BRSK1: variants seen among roughly 807,000 people sequenced by gnomAD.
The protein encoded by BRSK1 is serine/threonine-protein kinase BRSK1.
In BRSK1, 17 loss-of-function variants were observed where a neutral mutation model predicts 86.2. That is an observed-to-expected ratio of 0.20 (90% CI 0.14 to 0.30). The LOEUF (loss-of-function observed/expected upper bound fraction) is 0.30, where lower values mean the gene tolerates loss of function less well. Among genes scored for constraint, BRSK1 ranks in the 10% least tolerant of loss-of-function variants. The pLI is 1.00. For synonymous variants in BRSK1, 464 were observed against 440.1 expected, an observed-to-expected ratio of 1.05 and a Z score of -0.68; for missense variants, 719 against 1,071.9, an observed-to-expected ratio of 0.67 and a Z score of 4.60.
At position 55,284,392 on chromosome 19, in the gene BRSK1, G is replaced by A. The variant is rs1430105414; in HGVS notation, c.-51G>A. ...GCCCCCACCGGAGAGACGGGGCGAC[G>A]GCCGCAGGGGGGGCGGCCGGGGGAC... On this transcript the variant is annotated 5_prime_UTR_variant, in exon 1 of 19. Transcript: ENST00000309383. 5.4e-6 allele frequency: 4 copies of A among 739,628 alleles called. No homozygotes were observed. Among genetic ancestry groups the A allele is most frequent in the East Asian group, 4.2e-5 (1 of 24,036 alleles). 45.8% of individuals were successfully genotyped at this position (739,628 alleles called of 1,614,324 possible). A position where few individuals can be genotyped will look rare whatever the true frequency, so the allele number is the denominator to read the frequency against.
At chr19:55,297,813 C>T (rs2088510580) in intron 7 of BRSK1, among the ~76,000 whole-genome samples, 1 of 152,078 alleles carries the variant, frequency 6.6e-6, no homozygotes, top group African/African-American at 2.4e-5. Flanking sequence ...TTTATTTTAT[C>T]TATTTATTTT....
At position 55,312,255 on chromosome 19, in the gene BRSK1, C is replaced by T. The variant is rs2088818724; in HGVS notation, c.*187C>T. On this transcript the variant is annotated 3_prime_UTR_variant, in exon 19 of 19. Coordinates refer to ENST00000309383, the MANE Select transcript of BRSK1 (RefSeq NM_032430.2). Reference sequence around the variant, plus strand: ...GGGGTGGTTCTAGGGGAACAGGGGGCGGGGGAGCTGTTTCTATTTTATTTA... The same window carrying T: ...GGGGTGGTTCTAGGGGAACAGGGGGTGGGGGAGCTGTTTCTATTTTATTTA... 3 of 218,710 alleles carry T rather than the reference C, an allele frequency of 1.4e-5. No individual in the cohort carries two copies. The highest frequency in any genetic ancestry group is 2.8e-5 in the African/African-American group (1 of 35,794). 13.5% of individuals were successfully genotyped at this position (218,710 alleles called of 1,614,324 possible).
In BRSK1 at chr19:55,302,435, G is replaced by A. The variant is rs2088585378; in HGVS notation, c.858-262G>A. ...CTGGACTCCTGGATCCGAGGGAGGA[G>A]GGGCTGGGGGCCTGGACTTCTGGGT... On this transcript the variant is annotated intron_variant, in intron 9 of 18. Transcript: ENST00000309383. The surrounding 1 kb of genome is among the most constrained non-coding windows in gnomAD (Gnocchi z 6.3). The A allele has an allele frequency of 1.6e-6, 1 of 614,404 alleles. No homozygotes were observed. The highest frequency in any genetic ancestry group is 1.9e-5 in the African/African-American group (1 of 53,960). The allele number at this position is 614,404 out of a possible 1,614,324, so 38.1% of individuals were successfully genotyped here. A position where few individuals can be genotyped will look rare whatever the true frequency, so the allele number is the denominator to read the frequency against.
Position 55,289,334 on chromosome 19 carries a change from G to C in BRSK1, c.318-146G>C, listed in dbSNP as rs1371716936. ...TGGAAACTGGAGTCTCTTCCTCCCAGGGACCCATGGGAATTGGAGTCTCTT... is the reference window on the plus strand; with the variant it reads ...TGGAAACTGGAGTCTCTTCCTCCCACGGACCCATGGGAATTGGAGTCTCTT... On this transcript the variant is annotated intron_variant, in intron 3 of 18. Coordinates refer to ENST00000309383, the MANE Select transcript of BRSK1 (RefSeq NM_032430.2). 4.4e-6 allele frequency: 4 copies of C among 910,374 alleles called. No homozygotes were observed. In the South Asian group the frequency reaches 5.5e-5, roughly 13 times the overall value. The allele number at this position is 910,374 out of a possible 1,614,324, so 56.4% of individuals were successfully genotyped here.
chr19:55,303,586 C>A lies in BRSK1; in HGVS notation c.1127-81C>A. The A allele has an allele frequency of 6.5e-7, 1 of 1,535,822 alleles. No homozygotes were observed. Among genetic ancestry groups the A allele is most frequent in the Non-Finnish European group, 8.8e-7 (1 of 1,132,996 alleles). On this transcript the variant is annotated intron_variant, in intron 11 of 18. Coordinates refer to ENST00000309383, the MANE Select transcript of BRSK1 (RefSeq NM_032430.2). The surrounding 1 kb of genome is among the most constrained non-coding windows in gnomAD (Gnocchi z 5.1). ...CCCCTCTCCACTCTAGGCCTGTTTC[C>A]CCATGTGTGCAGTTTCTGAGGCAGT...
chr19:55,311,789 TG>T (rs1730297151), intron 18 of BRSK1, 121 bp from the exon 19 acceptor site: 2 of 1,015,724 alleles, frequency 2.0e-6, no homozygotes, highest in Non-Finnish European at 2.9e-6. Flanking sequence ...TATCAGGGAT[TG>T]GAGCTAGAGC....
Position 55,310,039 on chromosome 19 carries a change from A to G in BRSK1, c.2179+1311A>G, listed in dbSNP as rs2088748471. On this transcript the variant is annotated intron_variant, in intron 18 of 18. Coordinates refer to ENST00000309383, the MANE Select transcript of BRSK1 (RefSeq NM_032430.2). The surrounding 1 kb of genome is among the most constrained non-coding windows in gnomAD (Gnocchi z 5.0). The stretch of plus-strand genomic sequence containing the variant: ...AGGGCAGCTTTGGCCTTGTCACCAG[A>G]AACTCTGAGTCCCAGGGTCAGGTCT... Among the ~76,000 whole-genome samples, 1 of 152,184 alleles carries G rather than the reference A, an allele frequency of 6.6e-6. No homozygotes were observed. The highest frequency in any genetic ancestry group is 1.5e-5 in the Non-Finnish European group (1 of 68,028).
chr19:55,297,459 C>T (rs145681889), intron 7 of BRSK1, among the ~76,000 whole-genome samples: 3 of 152,264 alleles, frequency 2.0e-5, no homozygotes, highest in East Asian at 3.9e-4. Flanking sequence ...GACTGGCCCA[C>T]GGGCACGCAG....
At position 55,289,650 on chromosome 19, in the gene BRSK1, G is replaced by T. The variant is rs1472519308; in HGVS notation, c.458+30G>T. The T allele has an allele frequency of 4.3e-6, 7 of 1,609,442 alleles. 1 individual carries two copies. In the East Asian group the frequency reaches 1.3e-4, roughly 31 times the overall value. On this transcript the variant is annotated intron_variant, in intron 4 of 18. Transcript: ENST00000309383. The stretch of plus-strand genomic sequence containing the variant: ...GTGGGCAGCTTGAGGGGGAGGAGGG[G>T]CTGAGGGCTGCCCAGCAGACAGGCC...
chr19:55,295,610 C>A (rs754002106), intron 7 of BRSK1, among the ~76,000 whole-genome samples: 11 of 152,166 alleles, frequency 7.2e-5, no homozygotes, highest in Non-Finnish European at 7.3e-5. Flanking sequence ...TCCAGGAGCA[C>A]CTGGAGGGCT....
At chr19:55,301,440 A>T in intron 7 of BRSK1, 72 bp from the exon 8 acceptor site, 1 of 1,536,404 alleles carries the variant, frequency 6.5e-7, no homozygotes, top group South Asian at 1.2e-5. Flanking sequence ...AGATCACCGT[A>T]GTTCCCCACC....
intron 8 of BRSK1, 151 bp downstream of exon 8, chr19:55,301,809 A>G (rs945773218): frequency 2.7e-5 from 28 of 1,043,816 alleles, no homozygotes; most frequent in Non-Finnish European, 2.7e-6. Context: ...AAGGTCCAGC[A>G]CAGCTGCCGC....
chr19:55,303,926 C>A lies in BRSK1; in HGVS notation c.1286+100C>A. The A allele has an allele frequency of 6.6e-7, 1 of 1,511,016 alleles. No homozygotes were observed. Among genetic ancestry groups the A allele is most frequent in the South Asian group, 1.3e-5 (1 of 76,218 alleles). The allele number at this position is 1,511,016 out of a possible 1,614,324, so 93.6% of individuals were successfully genotyped here. ...CCTCAAATGTGCTGTGTCCTTGGGACAATTCACCTCCCCTCTCTGGGCCTC... is the reference window on the plus strand; with the variant it reads ...CCTCAAATGTGCTGTGTCCTTGGGAAAATTCACCTCCCCTCTCTGGGCCTC... On this transcript the variant is annotated intron_variant, in intron 12 of 18. Transcript: ENST00000309383. This position sits in a 1 kb window ranked among gnomAD's most constrained non-coding sequence, Gnocchi z 5.1.
rs987508360 is a variant in BRSK1 at position 55,312,062 on chromosome 19, G to T, written c.2331G>T (p.Leu777=). 2.1e-6 allele frequency: 3 copies of T among 1,433,556 alleles called. No homozygotes were observed. Among genetic ancestry groups the T allele is most frequent in the East Asian group, 2.8e-5 (1 of 36,040 alleles). The allele number at this position is 1,433,556 out of a possible 1,614,324, so 88.8% of individuals were successfully genotyped here. ...TCCTGGCCACCAACGGGACCCCTCT[G>T]CCCTGACCCCACGGGGCCGGGGAGG... ...KKLLATNGTP[L]P The change falls in exon 19 of 19, where the codon CTG becomes CTT. Residue 777 remains leucine, a synonymous_variant. Coordinates refer to ENST00000309383, the MANE Select transcript of BRSK1 (RefSeq NM_032430.2).
intron 7 of BRSK1, among the ~76,000 whole-genome samples, chr19:55,296,263 C>T (rs1172818): frequency 0.52 from 79,067 of 151,932 alleles, 21,007 homozygotes; most frequent in Middle Eastern, 0.66. Context: ...TCTCCCTTCC[C>T]TTCTGTATCA....
At position 55,303,000 on chromosome 19, in the gene BRSK1, T is replaced by C. The variant is rs969440173; in HGVS notation, c.1028+133T>C. On this transcript the variant is annotated intron_variant, in intron 10 of 18. Transcript: ENST00000309383. The surrounding 1 kb of genome is among the most constrained non-coding windows in gnomAD (Gnocchi z 6.3). The stretch of plus-strand genomic sequence containing the variant: ...ATGGTTTGAAGCTCCCGCCTGGGAG[T>C]GATGGAACCAGCGGAGAAAACGGCC... The C allele has an allele frequency of 8.1e-7, 1 of 1,239,068 alleles. No individual in the cohort carries two copies. The highest frequency in any genetic ancestry group is 1.5e-5 in the African/African-American group (1 of 65,366). The allele number at this position is 1,239,068 out of a possible 1,614,324, so 76.8% of individuals were successfully genotyped here. A position where few individuals can be genotyped will look rare whatever the true frequency, so the allele number is the denominator to read the frequency against.
intron 7 of BRSK1, among the ~76,000 whole-genome samples, chr19:55,295,993 G>A (rs35927890): frequency 0.12 from 18,092 of 152,024 alleles, 1,222 homozygotes; most frequent in Middle Eastern, 0.2. Context: ...TAGCCAGATC[G>A]TAGGCTATCA....
rs558221749 is a variant in BRSK1 at position 55,312,226 on chromosome 19, A to T, written c.*158A>T. On this transcript the variant is annotated 3_prime_UTR_variant, in exon 19 of 19. Transcript: ENST00000309383. Reference sequence around the variant, plus strand: ...GATGGGGCTCCACAGGCCGTGCCCAACTGGGGGTGGTTCTAGGGGAACAGG... The same window carrying T: ...GATGGGGCTCCACAGGCCGTGCCCATCTGGGGGTGGTTCTAGGGGAACAGG... 1 of 386,690 alleles carries T rather than the reference A, an allele frequency of 2.6e-6. No homozygotes were observed. Among genetic ancestry groups the T allele is most frequent in the East Asian group, 4.2e-5 (1 of 23,886 alleles). The allele number at this position is 386,690 out of a possible 1,614,324, so 24.0% of individuals were successfully genotyped here.
chr19:55,293,081 C>T (rs758176235), intron 4 of BRSK1, among the ~76,000 whole-genome samples: 4 of 152,034 alleles, frequency 2.6e-5, no homozygotes, highest in Non-Finnish European at 4.4e-5. Flanking sequence ...CAAAATAGGC[C>T]GGGCGCGGTG....
Sources: gnomAD v4.1 joint callset for allele counts (sites outside exome capture counted in the v4.1 genomes callset) on GRCh38, gnomAD v4.1.1 for gene constraint, Gnocchi (gnomAD v3.1) non-coding constraint, MANE v1.5 for transcripts, NCBI Gene and HGNC (gene_info 2026-07-23, HGNC 2026-07-21) for gene names.